CSNK2A2IP: variants seen among roughly 807,000 people sequenced by gnomAD.
The protein encoded by CSNK2A2IP is casein kinase II subunit alpha'-interacting protein.
At chr3:88,400,514 G>A in the CSNK2A2IP span, among the ~76,000 whole-genome samples, 5 of 152,150 alleles carry the variant, frequency 3.3e-5, no homozygotes, top group Non-Finnish European at 5.9e-5. Flanking sequence ...CTTGAGATAA[G>A]ATTATCATGG....
At chr3:88,463,794 A>C in the CSNK2A2IP span, among the ~76,000 whole-genome samples, 2 of 152,150 alleles carry the variant, frequency 1.3e-5, no homozygotes, top group African/African-American at 4.8e-5. Context: ...CAGCCATCCC[A>C]TTACTGGGTA....
chr3:88,387,935 C>A, the CSNK2A2IP span, among the ~76,000 whole-genome samples: 1 of 152,086 alleles, frequency 6.6e-6, no homozygotes, highest in Admixed American at 6.5e-5. Context: ...CTGTGTTGCC[C>A]AGGTTGATTT....
the CSNK2A2IP span, among the ~76,000 whole-genome samples, chr3:88,391,345 C>G: frequency 6.6e-6 from 1 of 152,138 alleles, no homozygotes; most frequent in African/African-American, 2.4e-5. Context: ...TATTAACAAC[C>G]TACTCTGTGC....
the CSNK2A2IP span, among the ~76,000 whole-genome samples, chr3:88,457,084 C>T: frequency 2.9e-3 from 439 of 152,128 alleles, 2 homozygotes; most frequent in African/African-American, 9.9e-3. Context: ...TTTTACCATT[C>T]TTTTTCTATG....
chr3:88,446,070 C>CTTTCTTTCTTTT, the CSNK2A2IP span, among the ~76,000 whole-genome samples: 2 of 108,406 alleles, frequency 1.8e-5, no homozygotes, highest in Non-Finnish European at 4.0e-5. Context: ...TTCTTTCTTT[C>CTTTCTTTCTTTT]TTTCTTTCTT....
At chr3:88,403,441 T>C in the CSNK2A2IP span, among the ~76,000 whole-genome samples, 148 of 152,216 alleles carry the variant, frequency 9.7e-4, no homozygotes, top group African/African-American at 3.2e-3. Context: ...TTAGAGAATA[T>C]CTTACTCATT....
chr3:88,439,036 G>A, the CSNK2A2IP span, among the ~76,000 whole-genome samples: 2 of 151,992 alleles, frequency 1.3e-5, no homozygotes, highest in Non-Finnish European at 2.9e-5. Flanking sequence ...CTCTAGCATT[G>A]TGGTTCCCGA....
chr3:88,442,584 A>G, the CSNK2A2IP span, among the ~76,000 whole-genome samples: 3 of 152,080 alleles, frequency 2.0e-5, no homozygotes, highest in Admixed American at 6.6e-5. Flanking sequence ...ATTATACCAA[A>G]CACTTTATTT....
At chr3:88,377,242 A>T in the CSNK2A2IP span, among the ~76,000 whole-genome samples, 1 of 151,790 alleles carries the variant, frequency 6.6e-6, no homozygotes, top group Non-Finnish European at 1.5e-5. Context: ...TCTGAAATGA[A>T]ACCCATCATC....
At chr3:88,409,858 T>A in the CSNK2A2IP span, among the ~76,000 whole-genome samples, 818 of 152,148 alleles carry the variant, frequency 5.4e-3, 12 homozygotes, top group African/African-American at 0.019. Context: ...AATGAAACAA[T>A]AAAAACTCAA....
chr3:88,344,255 C>T, the CSNK2A2IP span, among the ~76,000 whole-genome samples: 1 of 134,548 alleles, frequency 7.4e-6, no homozygotes, highest in Non-Finnish European at 1.8e-5. Context: ...CCATTACCAA[C>T]AAAATTTTCT....
the CSNK2A2IP span, among the ~76,000 whole-genome samples, chr3:88,349,839 G>C: frequency 2.6e-5 from 4 of 152,082 alleles, no homozygotes; most frequent in East Asian, 1.9e-4. Flanking sequence ...CATTCTCGCA[G>C]GAGTAAAGTG....
At chr3:88,409,484 G>T in the CSNK2A2IP span, among the ~76,000 whole-genome samples, 46 of 151,502 alleles carry the variant, frequency 3.0e-4, no homozygotes, top group African/African-American at 1.0e-3. Flanking sequence ...TCAAAGTTTG[G>T]GGGGAAAATG....
chr3:88,466,914 A>C, the CSNK2A2IP span: 1 of 1,230,708 alleles, frequency 8.1e-7, no homozygotes, highest in Non-Finnish European at 1.0e-6. Flanking sequence ...AAGTGAAATT[A>C]GTTCTTATCC....
the CSNK2A2IP span, among the ~76,000 whole-genome samples, chr3:88,441,769 G>A: frequency 1.3e-5 from 2 of 151,934 alleles, no homozygotes; most frequent in Non-Finnish European, 1.5e-5. Context: ...TAAACTGATT[G>A]TTTATACATG....
chr3:88,446,633 C>G, the CSNK2A2IP span, among the ~76,000 whole-genome samples: 1 of 152,144 alleles, frequency 6.6e-6, no homozygotes, highest in African/African-American at 2.4e-5. Flanking sequence ...AATGATCCTT[C>G]AAAGCAATTC....
the CSNK2A2IP span, among the ~76,000 whole-genome samples, chr3:88,457,749 A>AT: frequency 2.9e-4 from 44 of 149,890 alleles, no homozygotes; most frequent in Non-Finnish European, 2.7e-4. Flanking sequence ...ATAAAATAAA[A>AT]TAAAATCTAG....
chr3:88,386,327 T>C, the CSNK2A2IP span, among the ~76,000 whole-genome samples: 160 of 152,292 alleles, frequency 1.1e-3, no homozygotes, highest in Non-Finnish European at 1.9e-3. Context: ...GGTTTCACCA[T>C]GTTGGCCGGG....
the CSNK2A2IP span, among the ~76,000 whole-genome samples, chr3:88,349,361 C>T: frequency 6.6e-6 from 1 of 152,062 alleles, no homozygotes. Context: ...GCTTAGCTCC[C>T]ACTTATAAGT....
Sources: gnomAD v4.1 joint callset for allele counts (sites outside exome capture counted in the v4.1 genomes callset) on GRCh38, gnomAD v4.1.1 for gene constraint, MANE v1.5 for transcripts, NCBI Gene and HGNC (gene_info 2026-07-23, HGNC 2026-07-21) for gene names.